The following HEATR5A variants were observed in gnomAD, a reference collection of about 807,000 sequenced individuals.
HEATR5A encodes HEAT repeat containing 5A, also known as HEAT repeat-containing protein 5A.
In HEATR5A, 178 loss-of-function variants were observed where a neutral mutation model predicts 218.8. The ratio of observed to expected loss-of-function variants is 0.81; its 90% CI spans 0.72 to 0.92. HEATR5A has a LOEUF of 0.92. Ranked by LOEUF, HEATR5A falls within the 40% of genes least tolerant of loss-of-function variation. The pLI is 0.00. For synonymous variants in HEATR5A, 864 were observed against 871.6 expected (o/e 0.99, Z 0.15); for missense variants, 2,420 against 2,418.9 (o/e 1.00, Z -0.01).
intron 1 of HEATR5A, among the ~76,000 whole-genome samples, chr14:31,419,253 A>G (rs1403321016): frequency 6.6e-6 from 1 of 152,120 alleles, no homozygotes; most frequent in African/African-American, 2.4e-5. Context: ...CTATTCTTAT[A>G]TTATAAATCC....
chr14:31,378,339 C>G (rs556256318), intron 11 of HEATR5A, among the ~76,000 whole-genome samples: 1 of 152,326 alleles, frequency 6.6e-6, no homozygotes, highest in South Asian at 2.1e-4. Flanking sequence ...TCACATGATT[C>G]TCATGTATTA....
chr14:31,294,366 T>C (rs1417296190), intron 34 of HEATR5A, among the ~76,000 whole-genome samples: 1 of 151,584 alleles, frequency 6.6e-6, no homozygotes, highest in Non-Finnish European at 1.5e-5. Context: ...ATTCCCATTT[T>C]CCCCCTCATG....
chr14:31,326,488 T>A, intron 22 of HEATR5A, 146 bp from the exon 23 acceptor site: 1 of 626,302 alleles, frequency 1.6e-6, no homozygotes, highest in Non-Finnish European at 2.7e-6. Context: ...TCTACTGAGA[T>A]CCATTTTAGT....
At chr14:31,344,958 T>G in intron 20 of HEATR5A, 129 bp downstream of exon 20, 2 of 722,114 alleles carry the variant, frequency 2.8e-6, no homozygotes, top group Non-Finnish European at 4.6e-6. Context: ...TCAGGCTGAA[T>G]GGCATTTATA....
intron 8 of HEATR5A, 33 bp from the exon 9 acceptor site, chr14:31,386,608 C>T: frequency 6.5e-7 from 1 of 1,533,186 alleles, no homozygotes; most frequent in South Asian, 1.3e-5. Context: ...CTATGCATAA[C>T]CACTGTATTA....
chr14:31,358,558 G>T, intron 16 of HEATR5A, 79 bp downstream of exon 16: 2 of 1,225,792 alleles, frequency 1.6e-6, no homozygotes, highest in Non-Finnish European at 2.3e-6. Context: ...AATCATTTAC[G>T]CTAATGAGAT....
In HEATR5A at chr14:31,349,878, T is replaced by C; in HGVS notation, c.2619A>G (p.Arg873=). 6.2e-7 allele frequency: 1 copy of C among 1,612,580 alleles called. No homozygotes were observed. The highest frequency in any genetic ancestry group is 8.5e-7 in the Non-Finnish European group (1 of 1,178,882). ...GALESPNPLL[R]CAAAESWARL... ...TAGCCCATGACTCTGCAGCTGCACATCTCAGCAAGGGGTTGGGGCTTTCTA... is the reference window on the plus strand; with the variant it reads ...TAGCCCATGACTCTGCAGCTGCACACCTCAGCAAGGGGTTGGGGCTTTCTA... Residue 873 remains arginine (R), a synonymous_variant, in exon 18 of 36, where the codon AGA becomes AGG. Transcript: ENST00000543095.
chr14:31,338,013 C>T (rs939027183), intron 21 of HEATR5A, among the ~76,000 whole-genome samples: 2 of 152,144 alleles, frequency 1.3e-5, no homozygotes, highest in Non-Finnish European at 2.9e-5. Context: ...GAAATTTATA[C>T]ACATCCATAT....
rs191312092 is a variant in HEATR5A, at chr14:31,369,668, C to T, written c.1961+2142G>A. Among the ~76,000 whole-genome samples, 37 of 145,024 alleles carry T rather than the reference C, an allele frequency of 2.6e-4. No homozygotes were observed. In the South Asian group the frequency reaches 7.5e-3, roughly 29 times the overall value. On this transcript the variant is annotated intron_variant, in intron 13 of 35. Coordinates refer to ENST00000543095, the MANE Select transcript of HEATR5A (RefSeq NM_015473.4). Reference sequence around the variant, plus strand: ...AATGGCCTGACGCAGTGGCTCATGCCTGTAATCCCAGCAATTTGGGAGGCC... The same window carrying T: ...AATGGCCTGACGCAGTGGCTCATGCTTGTAATCCCAGCAATTTGGGAGGCC...
In HEATR5A at chr14:31,383,999, T is replaced by C. The variant is rs187942898; in HGVS notation, c.1346-228A>G. Among the ~76,000 whole-genome samples, 6 of 152,326 alleles carry C rather than the reference T, an allele frequency of 3.9e-5. No individual in the cohort carries two copies. The East Asian group carries it at 1.2e-3, about 29-fold the overall frequency. ...CTAACCTAAGAATCACTTCTACTAATATATCTCATGAAAGTTGTCCTAAAT... is the reference window on the plus strand; with the variant it reads ...CTAACCTAAGAATCACTTCTACTAACATATCTCATGAAAGTTGTCCTAAAT... On this transcript the variant is annotated intron_variant, in intron 9 of 35. Transcript: ENST00000543095.
intron 28 of HEATR5A, among the ~76,000 whole-genome samples, chr14:31,311,418 AT>A (rs1193603312): frequency 3.5e-4 from 52 of 146,714 alleles, no homozygotes; most frequent in African/African-American, 4.7e-4. Flanking sequence ...CATTCTTTTA[AT>A]TTTTTTTTTT....
At chr14:31,380,618 G>T in intron 10 of HEATR5A, 40 bp from the exon 11 acceptor site, 1 of 1,263,050 alleles carries the variant, frequency 7.9e-7, no homozygotes, top group Non-Finnish European at 1.1e-6. Flanking sequence ...AAGCATATCA[G>T]TTTATAAATT....
intron 14 of HEATR5A, among the ~76,000 whole-genome samples, chr14:31,360,151 A>G (rs10130507): frequency 0.016 from 2,362 of 151,750 alleles, 55 homozygotes; most frequent in African/African-American, 0.055. Context: ...GTTTGAATCT[A>G]GATCTAAGTA....
chr14:31,400,901 C>A (rs1238354151), intron 2 of HEATR5A, among the ~76,000 whole-genome samples: 3 of 151,318 alleles, frequency 2.0e-5, no homozygotes, highest in Admixed American at 6.6e-5. Flanking sequence ...GTGCAGTGGC[C>A]CGATCTCCGG....
intron 23 of HEATR5A, chr14:31,325,920 TAGGAAAGTCATC>T: frequency 1.8e-6 from 1 of 541,330 alleles, no homozygotes; most frequent in South Asian, 2.2e-5. Context: ...TTGTTTTATA[TAGGAAAGTCATC>T]TAAGACAGCC....
chr14:31,398,652 G>A (rs2030751842), intron 4 of HEATR5A, 21 bp downstream of exon 4: 1 of 1,283,080 alleles, frequency 7.8e-7, no homozygotes, highest in South Asian at 1.3e-5. Context: ...TCATTCTTTG[G>A]CTGAACTTGT....
Position 31,308,809 on chromosome 14 carries a change from T to C in HEATR5A, c.4690+125A>G, listed in dbSNP as rs561143004. On this transcript the variant is annotated intron_variant, in intron 29 of 35. Transcript: ENST00000543095. ...TATTTTTATTTTCAGTTGACAATAA[T>C]TGTGAGCTTGAGTTGAAATCGTGCC... 1.7e-5 allele frequency: 12 copies of C among 699,166 alleles called. No homozygotes were observed. In the South Asian group the frequency reaches 2.7e-4, roughly 16 times the overall value. 43.3% of individuals were successfully genotyped at this position (699,166 alleles called of 1,614,324 possible). A position where few individuals can be genotyped will look rare whatever the true frequency, so the allele number is the denominator to read the frequency against.
At position 31,380,561 on chromosome 14, in the gene HEATR5A, T is replaced by A. The variant is rs1450663326; in HGVS notation, c.1614A>T (p.Ala538=). Residue 538 remains alanine (A), a synonymous_variant, in exon 11 of 36, where the codon GCA becomes GCT. Transcript: ENST00000543095. ...HGKGKIIMTL[A]EDLLCSAAQN... is the part of the protein sequence containing the mutation. ...GAGCAGCAGAACACAGCAAATCCTC[T>A]GCTAATGTCATAATAATCTATTTAC... 1 of 1,596,894 alleles carries A rather than the reference T, an allele frequency of 6.3e-7. No individual in the cohort carries two copies. Among genetic ancestry groups the A allele is most frequent in the Non-Finnish European group, 8.5e-7 (1 of 1,171,034 alleles).
At chr14:31,414,950 C>T (rs929331698) in intron 1 of HEATR5A, among the ~76,000 whole-genome samples, 2 of 152,152 alleles carry the variant, frequency 1.3e-5, no homozygotes, top group African/African-American at 4.8e-5. Flanking sequence ...CAGTGATTTT[C>T]CTGCCTCAGT....
Sources: allele counts gnomAD v4.1 joint callset (sites outside exome capture counted in the v4.1 genomes callset), GRCh38; gene constraint gnomAD v4.1.1; transcripts MANE v1.5; gene names NCBI Gene and HGNC (gene_info 2026-07-23, HGNC 2026-07-21).